Variants in CALN1 observed in about 807,000 individuals in gnomAD.
CALN1 encodes calcium-binding protein 8.
In CALN1, 17 loss-of-function variants were observed where a neutral mutation model predicts 30.6. The observed-to-expected ratio is 0.56, with a 90% CI of 0.38 to 0.83. The LOEUF is 0.83. Ranked by LOEUF, CALN1 falls within the 40% of genes least tolerant of loss-of-function variation. The pLI, the probability that CALN1 is intolerant of heterozygous loss-of-function variation, is 0.00. For synonymous variants in CALN1, 156 were observed against 131.4 expected, an observed-to-expected ratio of 1.19 and a Z score of -1.28; for missense variants, 291 against 354.9, an observed-to-expected ratio of 0.82 and a Z score of 1.45.
chr7:72,248,646 C>G (rs981042169), intron 3 of CALN1, among the ~76,000 whole-genome samples: 3 of 152,118 alleles, frequency 2.0e-5, no homozygotes, highest in African/African-American at 7.2e-5. Flanking sequence ...AATAATCTCT[C>G]CATCTCAACA....
intron 6 of CALN1, among the ~76,000 whole-genome samples, chr7:71,793,969 G>A (rs987923123): frequency 2.6e-5 from 4 of 152,176 alleles, no homozygotes; most frequent in African/African-American, 4.8e-5. Flanking sequence ...CAATGAATGC[G>A]AGCTCCCTTG....
At chr7:72,291,695 C>T (rs1466438725) in intron 2 of CALN1, among the ~76,000 whole-genome samples, 3 of 152,156 alleles carry the variant, frequency 2.0e-5, no homozygotes, top group Non-Finnish European at 4.4e-5. Flanking sequence ...AAACTGTAAC[C>T]TCCACCTCCC....
chr7:72,198,977 T>TA (rs1286164165), intron 3 of CALN1, among the ~76,000 whole-genome samples: 26 of 152,270 alleles, frequency 1.7e-4, no homozygotes, highest in African/African-American at 6.0e-4. Flanking sequence ...AGTAGAGGTT[T>TA]AAAATGGTAA....
At chr7:72,024,424 T>C (rs1800918725) in intron 4 of CALN1, among the ~76,000 whole-genome samples, 1 of 152,038 alleles carries the variant, frequency 6.6e-6, no homozygotes, top group Admixed American at 6.6e-5. Context: ...TTTGAGATGG[T>C]GTCTTGCTCT....
chr7:71,909,648 G>T (rs567563604), intron 5 of CALN1, among the ~76,000 whole-genome samples: 55 of 152,206 alleles, frequency 3.6e-4, no homozygotes, highest in African/African-American at 1.3e-3. Context: ...ATACCTTTTT[G>T]TCATATTTGT....
At chr7:72,345,899 G>C (rs988836874) in intron 2 of CALN1, among the ~76,000 whole-genome samples, 1 of 152,094 alleles carries the variant, frequency 6.6e-6, no homozygotes, top group Admixed American at 6.6e-5. Flanking sequence ...TAAATATAAC[G>C]TGGCATTTAA....
At chr7:71,898,395 A>T (rs549737715) in intron 5 of CALN1, among the ~76,000 whole-genome samples, 166 of 152,272 alleles carry the variant, frequency 1.1e-3, no homozygotes, top group Non-Finnish European at 2.1e-3. Context: ...GTAACAGCAG[A>T]TTGGACATGG....
intron 6 of CALN1, among the ~76,000 whole-genome samples, chr7:71,803,949 C>T (rs202206661): frequency 6.7e-6 from 1 of 149,744 alleles, no homozygotes; most frequent in African/African-American, 2.4e-5. Flanking sequence ...TATGTGTGTG[C>T]GTGTGTGTGT....
At chr7:72,154,744 A>C (rs915788057) in intron 3 of CALN1, among the ~76,000 whole-genome samples, 1 of 152,102 alleles carries the variant, frequency 6.6e-6, no homozygotes, top group African/African-American at 2.4e-5. Flanking sequence ...TGGTGTCCTT[A>C]ATAAGAAGAG....
intron 2 of CALN1, among the ~76,000 whole-genome samples, chr7:72,308,724 C>T (rs1799836435): frequency 6.6e-6 from 1 of 152,104 alleles, no homozygotes; most frequent in African/African-American, 2.4e-5. Context: ...CTTCTCCTGT[C>T]AGCTGGGACC....
intron 1 of CALN1, among the ~76,000 whole-genome samples, chr7:72,411,795 C>G (rs1327616902): frequency 6.7e-6 from 1 of 148,716 alleles, no homozygotes; most frequent in East Asian, 1.9e-4. Context: ...AGTAATTACT[C>G]TTTTAAAGTA....
At chr7:72,271,882 T>C (rs1318102181) in intron 3 of CALN1, among the ~76,000 whole-genome samples, 3 of 150,304 alleles carry the variant, frequency 2.0e-5, no homozygotes, top group African/African-American at 7.4e-5. Flanking sequence ...GCCAACATGG[T>C]GAAACCCCAT....
At chr7:71,902,868 G>A (rs1245255344) in intron 5 of CALN1, among the ~76,000 whole-genome samples, 2 of 152,072 alleles carry the variant, frequency 1.3e-5, no homozygotes, top group African/African-American at 4.8e-5. Context: ...TATCCTAAGT[G>A]AAATAACTCA....
intron 4 of CALN1, among the ~76,000 whole-genome samples, chr7:72,030,211 C>T (rs1385673353): frequency 6.6e-6 from 1 of 151,230 alleles, no homozygotes; most frequent in African/African-American, 2.4e-5. Flanking sequence ...GTCTTCTTTT[C>T]TCATGCACTC....
chr7:71,944,495 G>A (rs1796300366), intron 5 of CALN1, among the ~76,000 whole-genome samples: 1 of 147,978 alleles, frequency 6.8e-6, no homozygotes, highest in Admixed American at 6.9e-5. Context: ...TTGGGAGGCT[G>A]AGGCAGGAGA....
Position 72,181,105 on chromosome 7 carries a change from C to G in CALN1, c.245-74811G>C, listed in dbSNP as rs866652371. ...AGAGCGAAACTGCATAACCCCCCCC[C>G]CCCCCAAAAAAAAAAAAAATTTTTG... On this transcript the variant is annotated intron_variant, in intron 3 of 6. Coordinates refer to ENST00000395275, the MANE Select transcript of CALN1 (RefSeq NM_031468.4). Among the ~76,000 whole-genome samples, 355 of 89,896 alleles carry G rather than the reference C, an allele frequency of 3.9e-3. 9 individuals are homozygous for G. The highest frequency in any genetic ancestry group is 0.017 in the African/African-American group (338 of 20,206). The allele number at this position is 89,896 out of a possible 152,430, so 59.0% of individuals were successfully genotyped here.
rs779140287 is a variant in CALN1, at chr7:71,810,432, C to T, written c.562G>A (p.Asp188Asn). The T allele has an allele frequency of 6.2e-7, 1 of 1,614,110 alleles. No individual in the cohort carries two copies. The highest frequency in any genetic ancestry group is 1.3e-5 in the African/African-American group (1 of 75,020). ...TCAATGTCCTTCATCGTTAGGTGGT[C>T]TCGGAAGGCATGATAGAGAATGTGC... ...LKHILYHAFR[D>N]HLTMKDIENI... The change falls in exon 6 of 7, where the codon GAC becomes AAC. Residue 188 changes from aspartate to asparagine, a missense_variant. Transcript: ENST00000395275.
intron 3 of CALN1, among the ~76,000 whole-genome samples, chr7:72,250,430 A>G (rs1218993468): frequency 1.3e-5 from 2 of 152,224 alleles, no homozygotes; most frequent in African/African-American, 4.8e-5. Flanking sequence ...GAGTGATGTC[A>G]GGCACATGGA....
intron 5 of CALN1, among the ~76,000 whole-genome samples, chr7:71,931,150 T>C (rs1269180971): frequency 1.3e-5 from 2 of 152,212 alleles, no homozygotes; most frequent in African/African-American, 4.8e-5. Context: ...TGTGGGTACA[T>C]GAATAAGAAA....
Sources: allele counts gnomAD v4.1 joint callset (sites outside exome capture counted in the v4.1 genomes callset), GRCh38; gene constraint gnomAD v4.1.1; transcripts MANE v1.5; gene names NCBI Gene and HGNC (gene_info 2026-07-23, HGNC 2026-07-21).